NALF1: variants seen among roughly 807,000 people sequenced by gnomAD.
The protein encoded by NALF1 is NALCN channel auxiliary factor 1.
In NALF1, 3 loss-of-function variants were observed where a neutral mutation model predicts 48.4. The observed-to-expected ratio is 0.06, with a 90% CI of 0.03 to 0.16. The LOEUF (loss-of-function observed/expected upper bound fraction) is 0.16, where lower values mean the gene tolerates loss of function less well. NALF1 is among the 10% of genes least tolerant of loss of function. The pLI is 1.00. For synonymous variants in NALF1, 262 were observed against 245.7 expected, an observed-to-expected ratio of 1.07 and a Z score of -0.62; for missense variants, 526 against 571.5, an observed-to-expected ratio of 0.92 and a Z score of 0.81.
At chr13:107,677,838 A>T (rs201827928) in intron 1 of NALF1, among the ~76,000 whole-genome samples, 1 of 144,858 alleles carries the variant, frequency 6.9e-6, no homozygotes, top group African/African-American at 2.6e-5. Flanking sequence ...ACACAAGCAA[A>T]CAAAACAAAA....
At chr13:107,286,586 CA>C (rs1159508752) in intron 1 of NALF1, among the ~76,000 whole-genome samples, 1,262 of 102,094 alleles carry the variant, frequency 0.012, 15 homozygotes, top group African/African-American at 0.04. Context: ...GACCCTGTCT[CA>C]AAAAAAAAAA....
At chr13:107,199,712 A>C (rs1879469991) in intron 2 of NALF1, among the ~76,000 whole-genome samples, 1 of 152,142 alleles carries the variant, frequency 6.6e-6, no homozygotes, top group Non-Finnish European at 1.5e-5. Flanking sequence ...ATTCAGCAGA[A>C]GCCTCCATAC....
At chr13:107,460,224 C>T (rs948978339) in intron 1 of NALF1, among the ~76,000 whole-genome samples, 3 of 152,160 alleles carry the variant, frequency 2.0e-5, no homozygotes, top group African/African-American at 7.2e-5. Flanking sequence ...AAGCAAGAAG[C>T]CCAGACACCT....
rs1878725907 is a variant in NALF1, at chr13:107,168,882, C to T, written c.*1615G>A. On this transcript the variant is annotated 3_prime_UTR_variant, in exon 3 of 3. Transcript: ENST00000375915. ...CTAAGAGGACCTTTTCTATGGATTT[C>T]CTTCATCTCTCAGTCACACTGCAAA... 2 of 152,640 alleles carry T rather than the reference C, an allele frequency of 1.3e-5. No homozygotes were observed. The highest frequency in any genetic ancestry group is 2.4e-5 in the African/African-American group (1 of 41,546). 9.5% of individuals were successfully genotyped at this position (152,640 alleles called of 1,614,324 possible).
At chr13:107,468,393 TAGAC>T (rs1885043132) in intron 1 of NALF1, among the ~76,000 whole-genome samples, 2 of 151,954 alleles carry the variant, frequency 1.3e-5, no homozygotes, top group African/African-American at 2.4e-5. Context: ...GGAGGAAAAA[TAGAC>T]AGCAACACTC....
chr13:107,254,718 A>G (rs56088381), intron 1 of NALF1, among the ~76,000 whole-genome samples: 17,433 of 152,276 alleles, frequency 0.11, 1,179 homozygotes, highest in African/African-American at 0.17. Flanking sequence ...CATCATGACA[A>G]AACCTCTTTT....
intron 1 of NALF1, among the ~76,000 whole-genome samples, chr13:107,714,906 G>A (rs1474122353): frequency 6.6e-6 from 1 of 152,022 alleles, no homozygotes; most frequent in African/African-American, 2.4e-5. Context: ...TATTCCAAAT[G>A]TGGATATTAA....
At chr13:107,816,137 C>T (rs1442289182) in intron 1 of NALF1, among the ~76,000 whole-genome samples, 1 of 152,056 alleles carries the variant, frequency 6.6e-6, no homozygotes, top group Non-Finnish European at 1.5e-5. Flanking sequence ...AACCTGTAAA[C>T]TAACTAAACT....
chr13:107,567,496 TAC>T (rs1336125568), intron 1 of NALF1, among the ~76,000 whole-genome samples: 1 of 152,204 alleles, frequency 6.6e-6, no homozygotes, highest in African/African-American at 2.4e-5. Context: ...TTGAAATAAA[TAC>T]AGATTCATAG....
chr13:107,334,896 T>C (rs1882528772), intron 1 of NALF1, among the ~76,000 whole-genome samples: 1 of 152,130 alleles, frequency 6.6e-6, no homozygotes, highest in Non-Finnish European at 1.5e-5. Context: ...AAAAGCAATA[T>C]TCTCAGGCTC....
chr13:107,748,751 C>A (rs1226255918), intron 1 of NALF1, among the ~76,000 whole-genome samples: 2 of 152,096 alleles, frequency 1.3e-5, no homozygotes, highest in Non-Finnish European at 2.9e-5. Flanking sequence ...AATGCATGTA[C>A]TACACTGGGA....
At chr13:107,266,790 C>T (rs1300072205) in intron 1 of NALF1, among the ~76,000 whole-genome samples, 1 of 152,174 alleles carries the variant, frequency 6.6e-6, no homozygotes, top group East Asian at 1.9e-4. Flanking sequence ...AACACAACTC[C>T]TGTCTATTGC....
chr13:107,466,227 T>A (rs1356182783), intron 1 of NALF1: 1 of 152,204 alleles, frequency 6.6e-6, no homozygotes, highest in Non-Finnish European at 1.5e-5. Context: ...CCATGACATG[T>A]GGAAATTGTG....
At chr13:107,242,586 TTTAA>T (rs759360800) in intron 1 of NALF1, among the ~76,000 whole-genome samples, 7 of 152,356 alleles carry the variant, frequency 4.6e-5, no homozygotes, top group South Asian at 4.1e-4. Context: ...TACATTTATT[TTTAA>T]TTAATTGATT....
intron 1 of NALF1, among the ~76,000 whole-genome samples, chr13:107,278,312 A>G (rs1007599132): frequency 2.0e-5 from 3 of 152,234 alleles, no homozygotes; most frequent in African/African-American, 7.2e-5. Context: ...TCGTCTGCCA[A>G]ATTAGACTTT....
chr13:107,343,369 C>T (rs1307674437), intron 1 of NALF1, among the ~76,000 whole-genome samples: 1 of 152,138 alleles, frequency 6.6e-6, no homozygotes, highest in Non-Finnish European at 1.5e-5. Flanking sequence ...GTGGGAGGGA[C>T]CCAGTGGGAG....
chr13:107,533,184 A>G (rs764057294), intron 1 of NALF1, among the ~76,000 whole-genome samples: 1 of 152,070 alleles, frequency 6.6e-6, no homozygotes, highest in Non-Finnish European at 1.5e-5. Context: ...TCTGTTTTAC[A>G]TATTTTGTTT....
chr13:107,638,479 C>A (rs1880052984), intron 1 of NALF1, among the ~76,000 whole-genome samples: 1 of 151,954 alleles, frequency 6.6e-6, no homozygotes, highest in South Asian at 2.1e-4. Context: ...TGGAGGATAG[C>A]AGCGAATGAG....
intron 1 of NALF1, among the ~76,000 whole-genome samples, chr13:107,349,537 TCG>T: frequency 6.6e-6 from 1 of 151,882 alleles, no homozygotes; most frequent in East Asian, 1.9e-4. Flanking sequence ...GGTCAGGAGA[TCG>T]AGACCATCCT....
Sources: allele counts gnomAD v4.1 joint callset (sites outside exome capture counted in the v4.1 genomes callset), GRCh38; gene constraint gnomAD v4.1.1; transcripts MANE v1.5; gene names NCBI Gene and HGNC (gene_info 2026-07-23, HGNC 2026-07-21).